Variants in PDE7B observed in about 807,000 individuals in gnomAD.
PDE7B encodes the protein phosphodiesterase 7B, also known as 3',5'-cyclic-AMP phosphodiesterase 7B.
PDE7B carries 29 observed loss-of-function variants against 56.2 expected under a neutral mutation model. The ratio of observed to expected loss-of-function variants is 0.52; its 90% CI spans 0.38 to 0.70. The LOEUF (loss-of-function observed/expected upper bound fraction) is 0.70. PDE7B is among the 30% of genes least tolerant of loss of function. The pLI is 0.00. For synonymous variants in PDE7B, 197 were observed against 196.9 expected, an observed-to-expected ratio of 1.00 and a Z score of 0.00; for missense variants, 490 against 565.0, an observed-to-expected ratio of 0.87 and a Z score of 1.35.
chr6:136,191,775 G>A lies in PDE7B; in HGVS notation c.1288G>A (p.Gly430Arg), dbSNP rs781163269. The change falls in exon 13 of 13, where the codon GGG (glycine) becomes AGG (arginine). Residue 430 changes from glycine (G) to arginine (R), a missense_variant. Gly to Arg is a moderately radical substitution (Grantham distance 125). Transcript: ENST00000308191. ...QHRSRGSSGS[G>R]PDHDHAGQGT... ...CAGAAGCAGGGGCAGCAGTGGCAGC[G>A]GGCCTGACCACGACCACGCAGGCCA... The A allele has an allele frequency of 8.2e-6, 13 of 1,583,442 alleles. No individual in the cohort carries two copies. In the African/African-American group the frequency reaches 1.1e-4, roughly 13 times the overall value.
At chr6:136,157,714 C>T (rs952880481) in intron 8 of PDE7B, among the ~76,000 whole-genome samples, 5 of 151,644 alleles carry the variant, frequency 3.3e-5, no homozygotes, top group African/African-American at 7.3e-5. Flanking sequence ...ATAGTTGCAG[C>T]GGGAAAAAAA....
intron 2 of PDE7B, among the ~76,000 whole-genome samples, chr6:136,029,395 CAT>C (rs1181146653): frequency 6.6e-6 from 1 of 152,148 alleles, no homozygotes; most frequent in African/African-American, 2.4e-5. Flanking sequence ...GACGCACAAA[CAT>C]AAAATCAGCA....
Position 135,889,910 on chromosome 6 carries a change from G to A in PDE7B, c.21+37891G>A, listed in dbSNP as rs1351148428. 6.7e-5 allele frequency among the ~76,000 whole-genome samples: 10 copies of A among 149,350 alleles called. No homozygotes were observed. In the East Asian group the frequency reaches 9.9e-4, roughly 15 times the overall value. On this transcript the variant is annotated intron_variant, in intron 1 of 12. Coordinates refer to ENST00000308191, the MANE Select transcript of PDE7B (RefSeq NM_018945.4). ...TGGGATTACAGGCACCCACCACCAC[G>A]CCCAGCTAATTTTTGTATTTTTAGT... is the stretch of plus-strand genomic sequence containing the variant.
chr6:135,912,938 G>C (rs1322469879), intron 1 of PDE7B, among the ~76,000 whole-genome samples: 1 of 152,074 alleles, frequency 6.6e-6, no homozygotes, highest in East Asian at 1.9e-4. Flanking sequence ...CCCTGGGCTG[G>C]GGTTTCCAGC....
chr6:136,015,311 C>T (rs1775960652), intron 2 of PDE7B, among the ~76,000 whole-genome samples: 1 of 152,190 alleles, frequency 6.6e-6, no homozygotes, highest in Non-Finnish European at 1.5e-5. Flanking sequence ...ACACAATTGT[C>T]AGCGGATATA....
rs73558779 is a variant in PDE7B at position 135,986,195 on chromosome 6, T to C, written c.82+38671T>C. 6.3e-4 allele frequency among the ~76,000 whole-genome samples: 96 copies of C among 152,240 alleles called. 4 individuals carry two copies. Among genetic ancestry groups the C allele is most frequent in the African/African-American group, 2.3e-3 (94 of 41,550 alleles). ...GTGGGTAAGGCTCATTGATAGTGAG[T>C]GTGAGATGCATTGACTTGTTTACCA... On this transcript the variant is annotated intron_variant, in intron 2 of 12. Coordinates refer to ENST00000308191, the MANE Select transcript of PDE7B (RefSeq NM_018945.4).
chr6:135,980,293 A>C (rs1425810727), intron 2 of PDE7B, among the ~76,000 whole-genome samples: 1 of 152,214 alleles, frequency 6.6e-6, no homozygotes, highest in East Asian at 1.9e-4. Context: ...AATCAATTCA[A>C]GATGGATTAA....
intron 2 of PDE7B, among the ~76,000 whole-genome samples, chr6:136,090,468 C>T (rs1777369168): frequency 6.6e-6 from 1 of 152,182 alleles, no homozygotes; most frequent in African/African-American, 2.4e-5. Flanking sequence ...TTTTTCAGAA[C>T]TTGCATTGCG....
At chr6:136,133,519 A>G (rs1778155571) in intron 3 of PDE7B, among the ~76,000 whole-genome samples, 1 of 152,150 alleles carries the variant, frequency 6.6e-6, no homozygotes, top group African/African-American at 2.4e-5. Context: ...CAATTACTTC[A>G]ATTCAACAAT....
At chr6:135,971,865 A>T in intron 2 of PDE7B, among the ~76,000 whole-genome samples, 1 of 152,186 alleles carries the variant, frequency 6.6e-6, no homozygotes, top group East Asian at 1.9e-4. Context: ...TAGTTGTGGC[A>T]GCTGTTTTCT....
chr6:135,868,500 T>C (rs1390773796), intron 1 of PDE7B, among the ~76,000 whole-genome samples: 1 of 152,244 alleles, frequency 6.6e-6, no homozygotes, highest in East Asian at 1.9e-4. Context: ...GGCACTATCT[T>C]GGCTCACTGC....
In PDE7B at chr6:135,933,045, G is replaced by A. The variant is rs549391654; in HGVS notation, c.22-14419G>A. ...TCTCATTTGATCTCTTAGGGGCTCT[G>A]TCTCCATGGTTTTTGGTGAAAGCAC... On this transcript the variant is annotated intron_variant, in intron 1 of 12. Transcript: ENST00000308191. Among the ~76,000 whole-genome samples, 3 of 152,240 alleles carry A rather than the reference G, an allele frequency of 2.0e-5. No individual in the cohort carries two copies. In the East Asian group the frequency reaches 5.8e-4, roughly 29 times the overall value.
At chr6:136,145,491 A>C (rs1006217872) in intron 3 of PDE7B, among the ~76,000 whole-genome samples, 2 of 152,050 alleles carry the variant, frequency 1.3e-5, no homozygotes, top group African/African-American at 4.8e-5. Flanking sequence ...ATATTTAAAA[A>C]CCAGAATCTG....
chr6:136,104,754 C>T (rs546300817), intron 2 of PDE7B, among the ~76,000 whole-genome samples: 12 of 152,154 alleles, frequency 7.9e-5, no homozygotes, highest in African/African-American at 2.4e-4. Context: ...AGCATACTTA[C>T]AATTGTCCTG....
intron 3 of PDE7B, among the ~76,000 whole-genome samples, chr6:136,112,242 T>A (rs546943695): frequency 6.6e-6 from 1 of 152,162 alleles, no homozygotes; most frequent in Admixed American, 6.5e-5. Context: ...CTAAAATTAC[T>A]TGTCTTCAAC....
At chr6:135,964,271 T>C (rs539916311) in intron 2 of PDE7B, among the ~76,000 whole-genome samples, 77 of 151,892 alleles carry the variant, frequency 5.1e-4, no homozygotes, top group Non-Finnish European at 9.1e-4. Flanking sequence ...ACCCGGCTAA[T>C]TTTTATATTT....
At chr6:135,878,586 T>C (rs1044921921) in intron 1 of PDE7B, among the ~76,000 whole-genome samples, 1 of 152,206 alleles carries the variant, frequency 6.6e-6, no homozygotes, top group Non-Finnish European at 1.5e-5. Flanking sequence ...CGTATGCTTG[T>C]ATATCTTTGG....
At chr6:136,072,145 A>G (rs776103944) in intron 2 of PDE7B, among the ~76,000 whole-genome samples, 26 of 152,200 alleles carry the variant, frequency 1.7e-4, no homozygotes, top group Non-Finnish European at 2.4e-4. Context: ...CAGGCATCAT[A>G]ATTTGTCTTG....
At chr6:136,122,105 C>A (rs1206763225) in intron 3 of PDE7B, among the ~76,000 whole-genome samples, 1 of 152,230 alleles carries the variant, frequency 6.6e-6, no homozygotes, top group East Asian at 1.9e-4. Flanking sequence ...ACGCCACTCT[C>A]CTGCCTCAGC....
Sources: allele counts gnomAD v4.1 joint callset (sites outside exome capture counted in the v4.1 genomes callset), GRCh38; gene constraint gnomAD v4.1.1; transcripts MANE v1.5; gene names NCBI Gene and HGNC (gene_info 2026-07-23, HGNC 2026-07-21).